Variants in FAT3 observed in about 807,000 individuals in gnomAD.
The protein encoded by FAT3 is FAT atypical cadherin 3.
Under a neutral mutation model 310.2 loss-of-function variants are expected in FAT3, and 95 were observed. That is an observed-to-expected ratio of 0.31 (90% confidence interval 0.26 to 0.36). The LOEUF (loss-of-function observed/expected upper bound fraction) is 0.36, where lower values mean the gene tolerates loss of function less well. FAT3 is among the 10% of genes least tolerant of loss of function. The pLI, the probability that FAT3 is intolerant of heterozygous loss-of-function variation, is 1.00. For synonymous variants in FAT3, 2,314 were observed against 2,192.9 expected (o/e 1.06, Z -1.54); for missense variants, 5,408 against 5,715.6 (o/e 0.95, Z 1.74).
At chr11:92,227,620 T>C (rs527575765) in intron 1 of FAT3, among the ~76,000 whole-genome samples, 12 of 152,142 alleles carry the variant, frequency 7.9e-5, no homozygotes, top group Admixed American at 3.9e-4. Flanking sequence ...ACGTGGAGAT[T>C]TGAATCTGAG....
chr11:92,766,431 C>G (rs114773038), intron 6 of FAT3, among the ~76,000 whole-genome samples: 1 of 152,174 alleles, frequency 6.6e-6, no homozygotes, highest in African/African-American at 2.4e-5. Flanking sequence ...CTCTCCCCCC[C>G]AGGAATGGCT....
In FAT3 at chr11:92,895,356, GT is replaced by G. The variant is rs1326264569; in HGVS notation, c.*4244del. On this transcript the variant is annotated 3_prime_UTR_variant, in exon 28 of 28. Coordinates refer to ENST00000525166, the MANE Select transcript of FAT3 (RefSeq NM_001367949.2). ...TGGTTGTGTAATGCTGGGGTTTAAAGTCACCATTTGTGGGTTTGGCATCAAT... is the reference window on the plus strand; with the variant it reads ...TGGTTGTGTAATGCTGGGGTTTAAAGCACCATTTGTGGGTTTGGCATCAAT... The G allele has an allele frequency of 6.6e-6, 1 of 152,194 alleles. No individual in the cohort carries two copies. Among genetic ancestry groups the G allele is most frequent in the Non-Finnish European group, 1.5e-5 (1 of 68,042 alleles). 9.4% of individuals were successfully genotyped at this position (152,194 alleles called of 1,614,324 possible). A position where few individuals can be genotyped will look rare whatever the true frequency, so the allele number is the denominator to read the frequency against.
chr11:92,435,250 A>C (rs1175702176), intron 2 of FAT3, among the ~76,000 whole-genome samples: 1 of 152,142 alleles, frequency 6.6e-6, no homozygotes, highest in African/African-American at 2.4e-5. Context: ...ACTCACATTC[A>C]GGGATGTCTG....
intron 2 of FAT3, among the ~76,000 whole-genome samples, chr11:92,479,965 G>A (rs1042447614): frequency 2.0e-5 from 3 of 152,068 alleles, no homozygotes; most frequent in Non-Finnish European, 4.4e-5. Context: ...TGAATAAGAA[G>A]CAATTAAAAC....
chr11:92,366,932 T>C (rs148305776), intron 2 of FAT3: 2 of 531,240 alleles, frequency 3.8e-6, no homozygotes, highest in East Asian at 1.0e-4. Context: ...GGCCTCGCCA[T>C]GCTTTGCAGC....
chr11:92,664,001 A>C (rs960734485), intron 3 of FAT3, among the ~76,000 whole-genome samples: 1 of 152,288 alleles, frequency 6.6e-6, no homozygotes. Flanking sequence ...TCTGTCTTCA[A>C]TCTTGACACG....
At chr11:92,764,185 GGA>G (rs1241477732) in intron 5 of FAT3, among the ~76,000 whole-genome samples, 1 of 152,018 alleles carries the variant, frequency 6.6e-6, no homozygotes, top group African/African-American at 2.4e-5. Context: ...TGACCACAGA[GGA>G]GAGTCATTAG....
chr11:92,640,731 A>G (rs948729214), intron 3 of FAT3, among the ~76,000 whole-genome samples: 6 of 152,182 alleles, frequency 3.9e-5, no homozygotes, highest in African/African-American at 1.2e-4. Flanking sequence ...GTATTTAATG[A>G]ATCATTTTGA....
chr11:92,281,301 A>G (rs1946414727), intron 1 of FAT3, among the ~76,000 whole-genome samples: 1 of 152,216 alleles, frequency 6.6e-6, no homozygotes, highest in Non-Finnish European at 1.5e-5. Context: ...AGCTCTTTAG[A>G]TGATAGGATT....
At chr11:92,417,245 A>C (rs184563530) in intron 2 of FAT3, among the ~76,000 whole-genome samples, 1 of 152,314 alleles carries the variant, frequency 6.6e-6, no homozygotes, top group South Asian at 2.1e-4. Context: ...GGAAGAGTTC[A>C]CTGTCAACTG....
rs192654720 is a variant in FAT3, at chr11:92,599,601, T to C, written c.3607+74653T>C. 3.9e-5 allele frequency among the ~76,000 whole-genome samples: 6 copies of C among 152,298 alleles called. No homozygotes were observed. In the East Asian group the frequency reaches 1.2e-3, roughly 29 times the overall value. On this transcript the variant is annotated intron_variant, in intron 3 of 27. Coordinates refer to ENST00000525166, the MANE Select transcript of FAT3 (RefSeq NM_001367949.2). Reference sequence around the variant, plus strand: ...CATTCCAAGCACCAACCCCCATCATTATCCCAGCCAAATATCCAATCAAAC... The same window carrying C: ...CATTCCAAGCACCAACCCCCATCATCATCCCAGCCAAATATCCAATCAAAC...
intron 2 of FAT3, among the ~76,000 whole-genome samples, chr11:92,412,227 T>C (rs1465475644): frequency 6.6e-6 from 1 of 151,694 alleles, no homozygotes; most frequent in Non-Finnish European, 1.5e-5. Flanking sequence ...CTCATCCTCC[T>C]GAGTAGCTGG....
intron 2 of FAT3, among the ~76,000 whole-genome samples, chr11:92,451,036 CT>C (rs377378294): frequency 2.6e-5 from 4 of 151,476 alleles, no homozygotes; most frequent in Admixed American, 6.6e-5. Context: ...CAAGGTGATT[CT>C]TTTTTTTTCC....
chr11:92,683,737 A>G (rs570542630), intron 3 of FAT3, among the ~76,000 whole-genome samples: 20 of 152,292 alleles, frequency 1.3e-4, no homozygotes, highest in Middle Eastern at 3.4e-3. Context: ...AAAATGGCCT[A>G]TGAGACTATG....
At chr11:92,513,456 C>T (rs1953374584) in intron 2 of FAT3, among the ~76,000 whole-genome samples, 1 of 151,918 alleles carries the variant, frequency 6.6e-6, no homozygotes, top group South Asian at 2.1e-4. Flanking sequence ...GTTATGGAGC[C>T]CATGAAAGAA....
chr11:92,297,326 G>T (rs1361552854), intron 1 of FAT3, among the ~76,000 whole-genome samples: 2 of 151,990 alleles, frequency 1.3e-5, no homozygotes, highest in African/African-American at 4.8e-5. Flanking sequence ...TATGGGGAAG[G>T]CCTTGTATTA....
intron 2 of FAT3, among the ~76,000 whole-genome samples, chr11:92,458,727 A>G (rs928932115): frequency 1.1e-4 from 17 of 152,184 alleles, no homozygotes; most frequent in African/African-American, 4.1e-4. Flanking sequence ...TATAGCCTGT[A>G]ATATACTATA....
chr11:92,570,610 A>G (rs1955637775), intron 3 of FAT3, among the ~76,000 whole-genome samples: 1 of 152,160 alleles, frequency 6.6e-6, no homozygotes. Flanking sequence ...TATAGGTAAG[A>G]TTTGGGTATT....
chr11:92,857,343 G>A lies in FAT3; in HGVS notation c.11495G>A (p.Cys3832Tyr). 1 of 1,614,024 alleles carries A rather than the reference G, an allele frequency of 6.2e-7. No homozygotes were observed. Among genetic ancestry groups the A allele is most frequent in the Non-Finnish European group, 8.5e-7 (1 of 1,179,892 alleles). Reference protein sequence around the residue: ...CQCPPGKLGECSGHTSLSFAG... With the variant: ...CQCPPGKLGEYSGHTSLSFAG... ...TGTCCACCAGGGAAGCTCGGAGAGT[G>A]CTCAGGTGCAGAGTGGAGTGGAATG... is the stretch of plus-strand genomic sequence containing the variant. Residue 3832 changes from cysteine (C) to tyrosine (Y), a missense_variant, in exon 20 of 28, where the codon TGC becomes TAC. Cys to Tyr is a radical substitution (Grantham distance 194). Coordinates refer to ENST00000525166, the MANE Select transcript of FAT3 (RefSeq NM_001367949.2).
Sources: allele counts gnomAD v4.1 joint callset (sites outside exome capture counted in the v4.1 genomes callset), GRCh38; gene constraint gnomAD v4.1.1; transcripts MANE v1.5; gene names NCBI Gene and HGNC (gene_info 2026-07-23, HGNC 2026-07-21).